The following LOC400499 variants were observed in gnomAD, a reference collection of about 807,000 sequenced individuals.
the LOC400499 span, among the ~76,000 whole-genome samples, chr16:11,517,197 G>T: frequency 6.6e-6 from 1 of 152,010 alleles, no homozygotes; most frequent in African/African-American, 2.4e-5. Context: ...CTTCTTCCAA[G>T]GGTCCCTTCC....
the LOC400499 span, chr16:11,399,366 C>T: frequency 3.4e-5 from 27 of 798,024 alleles, no homozygotes; most frequent in Non-Finnish European, 4.2e-5. Flanking sequence ...CCCAGGATCC[C>T]GCAAGCACTG....
chr16:11,376,208 T>G, the LOC400499 span, among the ~76,000 whole-genome samples: 1 of 152,264 alleles, frequency 6.6e-6, no homozygotes, highest in Non-Finnish European at 1.5e-5. Flanking sequence ...CCAGTTTGTC[T>G]GTTTCTCCTT....
chr16:11,399,478 G>C, the LOC400499 span: 1 of 399,202 alleles, frequency 2.5e-6, no homozygotes, highest in Admixed American at 4.4e-5. Context: ...TCACCTCGTA[G>C]GTCAAGTTCT....
At chr16:11,390,526 C>T in the LOC400499 span, 14 of 1,195,592 alleles carry the variant, frequency 1.2e-5, no homozygotes, top group Non-Finnish European at 1.5e-5. Flanking sequence ...CAGCCCTGCC[C>T]AGACACGCCA....
At chr16:11,521,765 C>T in the LOC400499 span, among the ~76,000 whole-genome samples, 1 of 152,188 alleles carries the variant, frequency 6.6e-6, no homozygotes, top group Non-Finnish European at 1.5e-5. Flanking sequence ...CTCTGTGGCA[C>T]CTCTTACAAT....
chr16:11,474,561 T>C, the LOC400499 span, among the ~76,000 whole-genome samples: 1 of 152,144 alleles, frequency 6.6e-6, no homozygotes, highest in Non-Finnish European at 1.5e-5. Flanking sequence ...ACTGAAGTGG[T>C]TGGTAAAGGA....
chr16:11,408,757 C>T, the LOC400499 span, among the ~76,000 whole-genome samples: 2 of 152,210 alleles, frequency 1.3e-5, no homozygotes, highest in South Asian at 4.2e-4. Flanking sequence ...ACCACTGCAT[C>T]CAGTTGGGAC....
chr16:11,398,379 G>A, the LOC400499 span: 8 of 1,232,308 alleles, frequency 6.5e-6, no homozygotes, highest in East Asian at 9.5e-5. Context: ...CAGGTGGAGG[G>A]AGTGCCGCAG....
At chr16:11,513,673 C>T in the LOC400499 span, among the ~76,000 whole-genome samples, 5 of 152,010 alleles carry the variant, frequency 3.3e-5, no homozygotes, top group Non-Finnish European at 5.9e-5. Flanking sequence ...TCAAGTTATC[C>T]GCCTACCTCG....
the LOC400499 span, chr16:11,411,394 A>C: frequency 2.5e-6 from 1 of 399,106 alleles, no homozygotes; most frequent in Non-Finnish European, 4.4e-6. Context: ...CCCCAGGGCC[A>C]TGTCGAGACC....
the LOC400499 span, among the ~76,000 whole-genome samples, chr16:11,452,883 G>C: frequency 1.3e-5 from 2 of 152,230 alleles, no homozygotes; most frequent in African/African-American, 4.8e-5. Flanking sequence ...CTTTTAGGAA[G>C]CTCTGGATCT....
At chr16:11,492,056 C>A in the LOC400499 span, among the ~76,000 whole-genome samples, 1 of 152,150 alleles carries the variant, frequency 6.6e-6, no homozygotes, top group African/African-American at 2.4e-5. Flanking sequence ...CCAGTCTCTA[C>A]CAGCCCCAGC....
At chr16:11,517,901 G>C in the LOC400499 span, among the ~76,000 whole-genome samples, 1 of 152,232 alleles carries the variant, frequency 6.6e-6, no homozygotes, top group Admixed American at 6.5e-5. Context: ...CTACAGGCTA[G>C]CAAGACAAAA....
At chr16:11,440,229 C>T in the LOC400499 span, among the ~76,000 whole-genome samples, 71 of 152,220 alleles carry the variant, frequency 4.7e-4, no homozygotes, top group African/African-American at 1.7e-3. Context: ...AGTAAATATA[C>T]CTACAATGGC....
the LOC400499 span, among the ~76,000 whole-genome samples, chr16:11,499,824 C>A: frequency 6.6e-6 from 1 of 152,150 alleles, no homozygotes; most frequent in African/African-American, 2.4e-5. Flanking sequence ...ACAGGTGACA[C>A]CCCCTTGCCC....
chr16:11,396,551 T>A, the LOC400499 span: 1 of 1,231,904 alleles, frequency 8.1e-7, no homozygotes, highest in Non-Finnish European at 1.0e-6. Flanking sequence ...AGGCCTGCTG[T>A]GGTTTTGGAG....
the LOC400499 span, among the ~76,000 whole-genome samples, chr16:11,380,437 G>A: frequency 4.6e-5 from 7 of 152,140 alleles, no homozygotes; most frequent in African/African-American, 9.6e-5. Context: ...AAAATTCGCC[G>A]GGGGTGGTGG....
At chr16:11,388,525 G>C in the LOC400499 span, among the ~76,000 whole-genome samples, 2 of 152,174 alleles carry the variant, frequency 1.3e-5, no homozygotes, top group African/African-American at 4.8e-5. Context: ...CTTGGAGCCC[G>C]GTTCCTGGTG....
At chr16:11,518,308 C>T in the LOC400499 span, among the ~76,000 whole-genome samples, 1 of 152,166 alleles carries the variant, frequency 6.6e-6, no homozygotes, top group Non-Finnish European at 1.5e-5. Context: ...GAGTTGTCTT[C>T]AGGCTGGCGG....
Sources: allele counts gnomAD v4.1 joint callset (sites outside exome capture counted in the v4.1 genomes callset), GRCh38; gene constraint gnomAD v4.1.1; transcripts MANE v1.5.